SCNN1B: variants seen among roughly 807,000 people sequenced by gnomAD.
SCNN1B encodes sodium channel epithelial 1 subunit beta.
SCNN1B carries 46 observed loss-of-function variants against 65.3 expected under a neutral mutation model. The ratio of observed to expected loss-of-function variants is 0.70; its 90% CI spans 0.56 to 0.90. The LOEUF is 0.90. SCNN1B is among the 40% of genes least tolerant of loss of function. The pLI is 0.00. For missense variants in SCNN1B, 751 were observed against 830.5 expected (o/e 0.90, Z 1.18); for synonymous variants, 349 against 330.6 (o/e 1.06, Z -0.60).
intron 4 of SCNN1B, among the ~76,000 whole-genome samples, chr16:23,360,006 C>A (rs1384329358): frequency 1.3e-5 from 2 of 151,918 alleles, no homozygotes; most frequent in African/African-American, 4.8e-5. Flanking sequence ...AGTTTGAGAC[C>A]AGCCTGGCAA....
rs182716430 is a variant in SCNN1B, at chr16:23,344,057, C to A, written c.-8-4535C>A. Among the ~76,000 whole-genome samples the A allele has an allele frequency of 2.9e-3, 447 of 152,348 alleles. 3 individuals are homozygous for A. The highest frequency in any genetic ancestry group is 4.7e-3 in the Non-Finnish European group (318 of 68,036). ...TCAACACACTTCTGTTATTTGCCTA[C>A]CATTGTAACAACTTTTGCTACCTGT... On this transcript the variant is annotated intron_variant, in intron 1 of 12. Transcript: ENST00000343070.
chr16:23,368,854 G>A (rs1292743005), intron 5 of SCNN1B, among the ~76,000 whole-genome samples: 1 of 152,152 alleles, frequency 6.6e-6, no homozygotes. Context: ...ATGTGCACAC[G>A]TGGATATAGA....
At position 23,381,112 on chromosome 16, in the gene SCNN1B, C is replaced by T. The variant is rs1237936128; in HGVS notation, c.*311C>T. 5 of 435,846 alleles carry T rather than the reference C, an allele frequency of 1.1e-5. No homozygotes were observed. In the East Asian group the frequency reaches 2.3e-4, roughly 20 times the overall value. The allele number at this position is 435,846 out of a possible 1,614,324, so 27.0% of individuals were successfully genotyped here. On this transcript the variant is annotated 3_prime_UTR_variant, in exon 13 of 13. Transcript: ENST00000343070. ...CCTCTCCTGGTGGCAGGCCACTTCC[C>T]TCCCAGTGCCAGTCTCCATCCACCC...
chr16:23,280,282 T>C (rs899366894), intron 1 of SCNN1B, among the ~76,000 whole-genome samples: 15 of 152,076 alleles, frequency 9.9e-5, no homozygotes, highest in Admixed American at 6.6e-4. Flanking sequence ...TGGAGTGCAG[T>C]GGAACGATCA....
chr16:23,308,193 GACT>G (rs1188262855), intron 1 of SCNN1B, among the ~76,000 whole-genome samples: 1 of 152,098 alleles, frequency 6.6e-6, no homozygotes, highest in Admixed American at 6.6e-5. Flanking sequence ...GACAGAGCAA[GACT>G]CTGTCTCTAA....
chr16:23,343,313 G>A (rs1004384418), intron 1 of SCNN1B, among the ~76,000 whole-genome samples: 5 of 151,810 alleles, frequency 3.3e-5, no homozygotes, highest in Non-Finnish European at 7.4e-5. Flanking sequence ...TTAGCCGGGC[G>A]TGGTGGTGCA....
At position 23,380,581 on chromosome 16, in the gene SCNN1B, A is replaced by C. The variant is rs72654354; in HGVS notation, c.1703A>C (p.Gln568Pro). Residue 568 changes from glutamine to proline, a missense_variant, in exon 13 of 13, where the codon CAA becomes CCA. Physicochemically the swap from Gln to Pro is moderately conservative, Grantham distance 76 (BLOSUM62 -1). Transcript: ENST00000343070. The surrounding 1 kb of genome is among the most constrained non-coding windows in gnomAD (Gnocchi z 5.4). Reference sequence around the variant, plus strand: ...AAGAGCCTACGGCAGCGGCGAGCCCAAGCCAGCTACGCTGGCCCACCGCCC... The same window carrying C: ...AAGAGCCTACGGCAGCGGCGAGCCCCAGCCAGCTACGCTGGCCCACCGCCC... Reference protein sequence around the residue: ...LAKSLRQRRAQASYAGPPPTV... With the variant: ...LAKSLRQRRAPASYAGPPPTV... 127 of 1,614,022 alleles carry C rather than the reference A, an allele frequency of 7.9e-5. No individual in the cohort carries two copies. The highest frequency in any genetic ancestry group is 1.0e-4 in the Non-Finnish European group (121 of 1,180,014).
At chr16:23,340,359 G>A (rs1382300114) in intron 1 of SCNN1B, among the ~76,000 whole-genome samples, 1 of 151,980 alleles carries the variant, frequency 6.6e-6, no homozygotes, top group South Asian at 2.1e-4. Context: ...GAAGATCTTT[G>A]CATATCCTAA....
intron 1 of SCNN1B, among the ~76,000 whole-genome samples, chr16:23,332,054 G>T (rs895692228): frequency 6.6e-6 from 1 of 152,016 alleles, no homozygotes; most frequent in Non-Finnish European, 1.5e-5. Flanking sequence ...TTAGAGACAG[G>T]GTCCTGCTCT....
chr16:23,300,993 CGTGTGTGTGT>C (rs60930177), upstream of SCNN1B, among the ~76,000 whole-genome samples: 2 of 148,364 alleles, frequency 1.3e-5, no homozygotes, highest in Non-Finnish European at 3.0e-5. Flanking sequence ...GTTAAAAACA[CGTGTGTGTGT>C]GTGTGTGTGT....
At chr16:23,358,890 G>C (rs1294488027) in intron 4 of SCNN1B, among the ~76,000 whole-genome samples, 2 of 152,230 alleles carry the variant, frequency 1.3e-5, no homozygotes, top group Non-Finnish European at 1.5e-5. Flanking sequence ...CTGGGCGACA[G>C]GGGGAGACTC....
intron 2 of SCNN1B, among the ~76,000 whole-genome samples, chr16:23,293,657 T>C (rs1377080722): frequency 6.6e-6 from 1 of 152,182 alleles, no homozygotes; most frequent in East Asian, 1.9e-4. Flanking sequence ...CTGGGCGTGG[T>C]GGCTCATGCC....
intron 1 of SCNN1B, among the ~76,000 whole-genome samples, chr16:23,307,531 G>C (rs2141982137): frequency 6.6e-6 from 1 of 152,218 alleles, no homozygotes; most frequent in South Asian, 2.1e-4. Context: ...TGTTGGCCAA[G>C]CTGGTCTCGA....
chr16:23,294,836 T>C (rs1338980761), intron 2 of SCNN1B, among the ~76,000 whole-genome samples: 1 of 151,644 alleles, frequency 6.6e-6, no homozygotes, highest in Non-Finnish European at 1.5e-5. Flanking sequence ...CTACTAAAAA[T>C]ACAAAAATTA....
At chr16:23,286,385 C>T (rs1960851180) in intron 2 of SCNN1B, among the ~76,000 whole-genome samples, 1 of 152,146 alleles carries the variant, frequency 6.6e-6, no homozygotes, top group Non-Finnish European at 1.5e-5. Flanking sequence ...AGTCATCAGG[C>T]CATAGAGAAC....
intron 4 of SCNN1B, among the ~76,000 whole-genome samples, chr16:23,356,451 C>T (rs1450566016): frequency 6.6e-6 from 1 of 151,914 alleles, no homozygotes; most frequent in Non-Finnish European, 1.5e-5. Context: ...ATAGCGAGAC[C>T]TCATCTCTAC....
At chr16:23,278,858 T>C (rs1960742758) in intron 1 of SCNN1B, among the ~76,000 whole-genome samples, 1 of 152,012 alleles carries the variant, frequency 6.6e-6, no homozygotes, top group Admixed American at 6.6e-5. Flanking sequence ...GAGGATCACT[T>C]GAGCACAGAA....
intron 2 of SCNN1B, among the ~76,000 whole-genome samples, chr16:23,296,690 T>G (rs1961001771): frequency 6.6e-6 from 1 of 152,138 alleles, no homozygotes; most frequent in Non-Finnish European, 1.5e-5. Flanking sequence ...GAGCTTGCTG[T>G]GGCCTCGGGC....
intron 1 of SCNN1B, among the ~76,000 whole-genome samples, chr16:23,308,479 T>C (rs1417410531): frequency 3.3e-5 from 5 of 152,200 alleles, no homozygotes; most frequent in Non-Finnish European, 7.3e-5. Context: ...GCCATGATCA[T>C]GCCATTGTAC....
Sources: gnomAD v4.1 joint callset for allele counts (sites outside exome capture counted in the v4.1 genomes callset) on GRCh38, gnomAD v4.1.1 for gene constraint, Gnocchi (gnomAD v3.1) non-coding constraint, MANE v1.5 for transcripts, NCBI Gene and HGNC (gene_info 2026-07-23, HGNC 2026-07-21) for gene names.